Variants in CUBN observed in about 807,000 individuals in gnomAD.
CUBN encodes cubilin.
In CUBN, 282 loss-of-function variants were observed where a neutral mutation model predicts 405.3. The ratio of observed to expected loss-of-function variants is 0.70; its 90% CI spans 0.63 to 0.77. The LOEUF is 0.77. CUBN is among the 30% of genes least tolerant of loss of function. The probability of loss-of-function intolerance (pLI) is 0.00; values close to 1 mark genes in which losing one functional copy is unlikely to be tolerated. For missense variants in CUBN, 4,514 were observed against 4,475.2 expected (o/e 1.01, Z -0.25); for synonymous variants, 1,684 against 1,617.0 (o/e 1.04, Z -0.99).
At chr10:17,108,399 G>A (rs1334159026) in intron 10 of CUBN, among the ~76,000 whole-genome samples, 1 of 152,006 alleles carries the variant, frequency 6.6e-6, no homozygotes, top group Non-Finnish European at 1.5e-5. Context: ...GTGTGTGTGT[G>A]TGTGTGTGTT....
intron 58 of CUBN, among the ~76,000 whole-genome samples, chr10:16,872,826 T>A (rs1418576816): frequency 6.6e-6 from 1 of 152,218 alleles, no homozygotes; most frequent in East Asian, 1.9e-4. Context: ...ACAGAACTCC[T>A]GCTCCTGGCC....
At chr10:17,120,665 A>T (rs1352202810) in intron 6 of CUBN, among the ~76,000 whole-genome samples, 2 of 152,238 alleles carry the variant, frequency 1.3e-5, no homozygotes, top group East Asian at 3.8e-4. Context: ...GTGGATAAAG[A>T]ACTCTAACCT....
chr10:16,863,567 AT>A (rs75830982), intron 59 of CUBN, among the ~76,000 whole-genome samples: 4,099 of 152,268 alleles, frequency 0.027, 339 homozygotes, highest in Admixed American at 0.18. Flanking sequence ...ATATACATAT[AT>A]TTTTTATGCC....
At chr10:16,849,474 C>A (rs759560564) in intron 60 of CUBN, among the ~76,000 whole-genome samples, 3 of 152,148 alleles carry the variant, frequency 2.0e-5, no homozygotes, top group Non-Finnish European at 4.4e-5. Flanking sequence ...AGCCCCGTTC[C>A]ATTCTCTGCC....
chr10:16,985,627 C>T (rs1410274985), intron 29 of CUBN, among the ~76,000 whole-genome samples: 1 of 152,226 alleles, frequency 6.6e-6, no homozygotes, highest in Non-Finnish European at 1.5e-5. Context: ...GAGTCACAGG[C>T]ACCCACCACT....
At position 16,834,999 on chromosome 10, in the gene CUBN, T is replaced by G; in HGVS notation, c.10362+15A>C. ...TTTAAATAATTCATTCAAACGATAT[T>G]CAAATGCATATCACCTCCAAGAAAT... On this transcript the variant is annotated intron_variant, in intron 64 of 66. Coordinates refer to ENST00000377833, the MANE Select transcript of CUBN (RefSeq NM_001081.4). 1.2e-6 allele frequency: 2 copies of G among 1,607,960 alleles called. No individual in the cohort carries two copies. The highest frequency in any genetic ancestry group is 1.7e-6 in the Non-Finnish European group (2 of 1,174,410).
intron 22 of CUBN, among the ~76,000 whole-genome samples, chr10:17,052,196 C>T (rs1372140839): frequency 6.6e-6 from 1 of 152,016 alleles, no homozygotes; most frequent in East Asian, 1.9e-4. Flanking sequence ...AGCAAAACTA[C>T]TTTTTTAAAA....
intron 17 of CUBN, among the ~76,000 whole-genome samples, chr10:17,083,804 G>C (rs1481188487): frequency 6.6e-6 from 1 of 152,056 alleles, no homozygotes; most frequent in African/African-American, 2.4e-5. Context: ...CAATAATTTA[G>C]CATAAGAAAT....
rs375963302 is a variant in CUBN, at chr10:16,840,420, C to T, written c.9942G>A (p.Pro3314=). The T allele has an allele frequency of 1.3e-4, 205 of 1,613,848 alleles. No individual in the cohort carries two copies. The highest frequency in any genetic ancestry group is 1.6e-4 in the Non-Finnish European group (183 of 1,179,950). Residue 3314 remains proline, a synonymous_variant, in exon 62 of 67, where the codon CCG becomes CCA. Coordinates refer to ENST00000377833, the MANE Select transcript of CUBN (RefSeq NM_001081.4). ...ACACAGTTATCTTGACCTGCTGATG[C>T]GGAGGGGAATCAATGACCCAAGTAC... The part of the protein sequence containing the change: ...SICTWVIDSP[P]HQQVKITVWA...
At chr10:17,011,601 G>A (rs377521104) in intron 28 of CUBN, among the ~76,000 whole-genome samples, 1 of 152,132 alleles carries the variant, frequency 6.6e-6, no homozygotes, top group Non-Finnish European at 1.5e-5. Flanking sequence ...ACCCGAGCAG[G>A]TTGCCGCTGC....
chr10:16,895,814 C>T (rs1198485717), intron 54 of CUBN, among the ~76,000 whole-genome samples: 1 of 152,104 alleles, frequency 6.6e-6, no homozygotes, highest in African/African-American at 2.4e-5. Flanking sequence ...TCACTTAGAT[C>T]ATGTTTTGGC....
chr10:17,099,578 G>A lies in CUBN; in HGVS notation c.1765+427C>T, dbSNP rs192902764. Among the ~76,000 whole-genome samples, 3 of 152,320 alleles carry A rather than the reference G, an allele frequency of 2.0e-5. No homozygotes were observed. In the East Asian group the frequency reaches 5.8e-4, roughly 29 times the overall value. On this transcript the variant is annotated intron_variant, in intron 14 of 66. Coordinates refer to ENST00000377833, the MANE Select transcript of CUBN (RefSeq NM_001081.4). The stretch of plus-strand genomic sequence containing the variant: ...TTTAAAGTAATTATGGTTGGTCACA[G>A]TGGCTCATGCCTGTAATCCCAGCAC...
At chr10:17,013,221 G>A (rs1021815189) in intron 28 of CUBN, among the ~76,000 whole-genome samples, 6 of 151,018 alleles carry the variant, frequency 4.0e-5, no homozygotes, top group Non-Finnish European at 8.9e-5. Context: ...CTCTGACTTT[G>A]TCTGTCTCTT....
intron 45 of CUBN, among the ~76,000 whole-genome samples, 169 bp from the exon 46 acceptor site, chr10:16,916,199 T>C (rs1841879634): frequency 6.6e-6 from 1 of 152,256 alleles, no homozygotes; most frequent in African/African-American, 2.4e-5. Context: ...AGTGCTTTCC[T>C]CATTATTTGA....
chr10:16,840,569 T>C, intron 61 of CUBN, 34 bp from the exon 62 acceptor site: 2 of 1,494,812 alleles, frequency 1.3e-6, no homozygotes, highest in Non-Finnish European at 1.8e-6. Context: ...ACAGGAGACA[T>C]TTTATTCATG....
intron 58 of CUBN, among the ~76,000 whole-genome samples, chr10:16,871,028 C>G (rs1310377764): frequency 1.4e-5 from 2 of 147,238 alleles, no homozygotes; most frequent in East Asian, 1.9e-4. Context: ...GGTTCTTCTG[C>G]TTTTTCTTTT....
intron 31 of CUBN, chr10:16,965,889 C>T (rs1400345241): frequency 2.2e-6 from 1 of 448,934 alleles, no homozygotes; most frequent in African/African-American, 2.0e-5. Context: ...GCTCTGAAAA[C>T]ATACATGACT....
chr10:17,024,881 T>A (rs1258125729), intron 27 of CUBN, among the ~76,000 whole-genome samples: 1 of 152,244 alleles, frequency 6.6e-6, no homozygotes, highest in Non-Finnish European at 1.5e-5. Context: ...ATCTAATTCA[T>A]ACTGTTTGTA....
chr10:16,926,118 G>A (rs1842182090), intron 41 of CUBN, among the ~76,000 whole-genome samples: 1 of 152,154 alleles, frequency 6.6e-6, no homozygotes, highest in African/African-American at 2.4e-5. Context: ...ATGAGAGGAG[G>A]GAGAAGGGTA....
Sources: allele counts gnomAD v4.1 joint callset (sites outside exome capture counted in the v4.1 genomes callset), GRCh38; gene constraint gnomAD v4.1.1; transcripts MANE v1.5; gene names NCBI Gene and HGNC (gene_info 2026-07-23, HGNC 2026-07-21).